The following ADAMTS16 variants were observed in gnomAD, a reference collection of about 807,000 sequenced individuals.
ADAMTS16 encodes A disintegrin and metalloproteinase with thrombospondin motifs 16.
ADAMTS16 carries 94 observed loss-of-function variants against 145.8 expected under a neutral mutation model. The ratio of observed to expected loss-of-function variants is 0.64; its 90% CI spans 0.55 to 0.77. The LOEUF is 0.77. ADAMTS16 is among the 30% of genes least tolerant of loss of function. ADAMTS16 has a pLI of 0.00. For synonymous variants in ADAMTS16, 659 were observed against 604.3 expected (o/e 1.09, Z -1.33); for missense variants, 1,585 against 1,591.5 (o/e 1.00, Z 0.07).
At chr5:5,183,044 C>T (rs998182919) in intron 4 of ADAMTS16, among the ~76,000 whole-genome samples, 1 of 152,160 alleles carries the variant, frequency 6.6e-6, no homozygotes, top group African/African-American at 2.4e-5. Context: ...GTTGCAAGTA[C>T]TTAGTGAATC....
At chr5:5,304,965 A>G (rs1378393021) in intron 20 of ADAMTS16, among the ~76,000 whole-genome samples, 1 of 64,230 alleles carries the variant, frequency 1.6e-5, no homozygotes, top group East Asian at 3.2e-4. Context: ...ATCCCACACC[A>G]CACACACACA....
intron 17 of ADAMTS16, among the ~76,000 whole-genome samples, chr5:5,250,731 G>GTGTGTGTGTT: frequency 6.6e-6 from 1 of 150,754 alleles, no homozygotes; most frequent in Non-Finnish European, 1.5e-5. Flanking sequence ...GTGTGTGTGT[G>GTGTGTGTGTT]TGTGTGCGCG....
intron 10 of ADAMTS16, among the ~76,000 whole-genome samples, 163 bp from the exon 11 acceptor site, chr5:5,222,626 T>A (rs1736639739): frequency 6.6e-6 from 1 of 152,106 alleles, no homozygotes; most frequent in Admixed American, 6.5e-5. Context: ...AGAGCATGAG[T>A]CTCCTTACAC....
At chr5:5,283,906 C>A (rs73735788) in intron 18 of ADAMTS16, among the ~76,000 whole-genome samples, 1 of 152,034 alleles carries the variant, frequency 6.6e-6, no homozygotes, top group Non-Finnish European at 1.5e-5. Context: ...GGTCTGGTGG[C>A]TTTAATAGTA....
rs1740355787 is a variant in ADAMTS16 at position 5,310,001 on chromosome 5, G to A, written c.3411+3273G>A. Among the ~76,000 whole-genome samples the A allele has an allele frequency of 6.6e-6, 1 of 152,122 alleles. No individual in the cohort carries two copies. The highest frequency in any genetic ancestry group is 2.4e-5 in the African/African-American group (1 of 41,432). ...CAATTTGATTGGGTTTTTAAGGATTGAAGAATTCCTGAGACTGACCTGCCA... is the reference window on the plus strand; with the variant it reads ...CAATTTGATTGGGTTTTTAAGGATTAAAGAATTCCTGAGACTGACCTGCCA... On this transcript the variant is annotated intron_variant, in intron 21 of 22. Coordinates refer to ENST00000274181, the MANE Select transcript of ADAMTS16 (RefSeq NM_139056.4). This position sits in a 1 kb window ranked among gnomAD's most constrained non-coding sequence, Gnocchi z 4.3.
intron 9 of ADAMTS16, among the ~76,000 whole-genome samples, chr5:5,200,860 T>C (rs1022312770): frequency 2.0e-5 from 3 of 152,166 alleles, no homozygotes; most frequent in African/African-American, 7.2e-5. Flanking sequence ...CACTAATTTA[T>C]TTAGGAGATA....
rs762710163 is a variant in ADAMTS16, at chr5:5,232,515, A to G, written c.1849A>G (p.Lys617Glu). 1.2e-6 allele frequency: 2 copies of G among 1,611,834 alleles called. No individual in the cohort carries two copies. Among genetic ancestry groups the G allele is most frequent in the South Asian group, 1.1e-5 (1 of 90,984 alleles). ...SHRSRLCTNP[K>E]PSHGGKFCEG... The stretch of plus-strand genomic sequence containing the variant: ...TAGGAGTCGCCTCTGCACCAACCCC[A>G]AGTAAGTATGCCTTGACCTCCTTCC... Residue 617 changes from lysine to glutamate, a missense_variant and splice_region_variant, in exon 12 of 23, where the codon AAG (lysine) becomes GAG (glutamate). Around this residue, in one of 3 missense-constraint regions of ADAMTS16, gnomAD observed 834 missense variants for 811.7 expected, o/e 1.03. Coordinates refer to ENST00000274181, the MANE Select transcript of ADAMTS16 (RefSeq NM_139056.4).
rs113938695 is a variant in ADAMTS16 at position 5,300,292 on chromosome 5, C to A, written c.2790-2976C>A. 2.6e-5 allele frequency among the ~76,000 whole-genome samples: 4 copies of A among 151,984 alleles called. No individual in the cohort carries two copies. In the East Asian group the frequency reaches 7.7e-4, roughly 29 times the overall value. Reference sequence around the variant, plus strand: ...CACACAGAAGCGGCAACAGAGTAACCGAGAGGCTTTACATGGAGAATTATC... The same window carrying A: ...CACACAGAAGCGGCAACAGAGTAACAGAGAGGCTTTACATGGAGAATTATC... On this transcript the variant is annotated intron_variant, in intron 18 of 22. Coordinates refer to ENST00000274181, the MANE Select transcript of ADAMTS16 (RefSeq NM_139056.4).
At position 5,269,951 on chromosome 5, in the gene ADAMTS16, A is replaced by G. The variant is rs952599932; in HGVS notation, c.2789+7168A>G. On this transcript the variant is annotated intron_variant, in intron 18 of 22. Transcript: ENST00000274181. This position sits in a 1 kb window ranked among gnomAD's most constrained non-coding sequence, Gnocchi z 4.3. The stretch of plus-strand genomic sequence containing the variant: ...GCTGATGTGTCCTACAGCAAGTAGA[A>G]ACATGAGACTGAGGCTGCCCCAAAT... Among the ~76,000 whole-genome samples the G allele has an allele frequency of 1.3e-5, 2 of 152,158 alleles. No individual in the cohort carries two copies. The highest frequency in any genetic ancestry group is 4.8e-5 in the African/African-American group (2 of 41,448).
intron 3 of ADAMTS16, among the ~76,000 whole-genome samples, chr5:5,154,696 G>C (rs1734559982): frequency 6.6e-6 from 1 of 152,142 alleles, no homozygotes; most frequent in African/African-American, 2.4e-5. Context: ...CAGATTCTCT[G>C]TCCAGCGATG....
chr5:5,261,256 G>A (rs1738008237), intron 17 of ADAMTS16, among the ~76,000 whole-genome samples: 1 of 151,914 alleles, frequency 6.6e-6, no homozygotes, highest in Non-Finnish European at 1.5e-5. Flanking sequence ...TCTCCCCTCA[G>A]CCTCCTGAGT....
In ADAMTS16 at chr5:5,225,387, G is replaced by A. The variant is rs117735496; in HGVS notation, c.1701+2503G>A. ...AAAGCTGAGGTGGGCAGATCACGAC[G>A]AGGTCAAGAGATCGAGACCATCCTG... On this transcript the variant is annotated intron_variant, in intron 11 of 22. Coordinates refer to ENST00000274181, the MANE Select transcript of ADAMTS16 (RefSeq NM_139056.4). 9.9e-4 allele frequency among the ~76,000 whole-genome samples: 150 copies of A among 152,246 alleles called. 2 individuals carry two copies. In the East Asian group the frequency reaches 0.028, roughly 28 times the overall value.
chr5:5,154,269 G>A (rs943236563), intron 3 of ADAMTS16, among the ~76,000 whole-genome samples: 2 of 152,048 alleles, frequency 1.3e-5, no homozygotes, highest in Admixed American at 6.5e-5. Context: ...AGGCATGTGA[G>A]ACAGCTATTA....
chr5:5,296,559 A>G (rs79033403), intron 18 of ADAMTS16, among the ~76,000 whole-genome samples: 3,444 of 152,260 alleles, frequency 0.023, 124 homozygotes, highest in African/African-American at 0.079. Context: ...GTTACATTTC[A>G]AAAATCGTGT....
In ADAMTS16 at chr5:5,225,133, G is replaced by C. The variant is rs913385894; in HGVS notation, c.1701+2249G>C. ...CTGTCCAGGGTCACCTGGCTGTTCA[G>C]TGGCCAGTGTGGGACTCTGTAAGCC... On this transcript the variant is annotated intron_variant, in intron 11 of 22. Coordinates refer to ENST00000274181, the MANE Select transcript of ADAMTS16 (RefSeq NM_139056.4). 2.0e-5 allele frequency among the ~76,000 whole-genome samples: 3 copies of C among 152,236 alleles called. No individual in the cohort carries two copies. The East Asian group carries it at 5.8e-4, about 29-fold the overall frequency.
chr5:5,220,995 G>A (rs1222457179), intron 10 of ADAMTS16, among the ~76,000 whole-genome samples: 4 of 151,912 alleles, frequency 2.6e-5, no homozygotes, highest in Non-Finnish European at 2.9e-5. Context: ...AGGTCTCTAC[G>A]CCCCATCGGT....
chr5:5,318,882 C>G, intron 22 of ADAMTS16, 141 bp from the exon 23 acceptor site: 1 of 619,336 alleles, frequency 1.6e-6, no homozygotes, highest in Non-Finnish European at 2.9e-6. Context: ...CACGGGACCC[C>G]CATCAGACCT....
At chr5:5,229,126 G>A (rs550875761) in intron 11 of ADAMTS16, among the ~76,000 whole-genome samples, 30 of 151,332 alleles carry the variant, frequency 2.0e-4, no homozygotes, top group African/African-American at 6.6e-4. Context: ...GTGAAACCCC[G>A]TCTCTACTAA....
At chr5:5,303,492 G>T (rs769231439) in intron 19 of ADAMTS16, 23 bp downstream of exon 19, 4 of 1,608,086 alleles carry the variant, frequency 2.5e-6, no homozygotes, top group Admixed American at 3.3e-5. Context: ...GGGTTGGCAT[G>T]GGTGGCAGCA....
Sources: gnomAD v4.1 joint callset for allele counts (sites outside exome capture counted in the v4.1 genomes callset) on GRCh38, gnomAD v4.1.1 for gene constraint, gnomAD v4.1.1 regional missense constraint, Gnocchi (gnomAD v3.1) non-coding constraint, MANE v1.5 for transcripts, NCBI Gene and HGNC (gene_info 2026-07-23, HGNC 2026-07-21) for gene names.